LSAMP: variants seen among roughly 807,000 people sequenced by gnomAD.
LSAMP encodes limbic system-associated membrane protein.
Under a neutral mutation model 38.6 loss-of-function variants are expected in LSAMP, and 7 were observed. The observed-to-expected ratio is 0.18, with a 90% CI of 0.10 to 0.34. The LOEUF is 0.34. LSAMP is among the 10% of genes least tolerant of loss of function. LSAMP has a pLI of 1.00. For missense variants in LSAMP, 313 were observed against 420.0 expected, an observed-to-expected ratio of 0.75 and a Z score of 2.23; for synonymous variants, 154 against 166.8, an observed-to-expected ratio of 0.92 and a Z score of 0.59.
chr3:115,965,898 A>C (rs1192419576), intron 3 of LSAMP, among the ~76,000 whole-genome samples: 2 of 152,156 alleles, frequency 1.3e-5, no homozygotes, highest in Admixed American at 1.3e-4. Context: ...AATTATCTTT[A>C]GTTGTATGTA....
chr3:116,389,578 A>C (rs1425811812), intron 1 of LSAMP, among the ~76,000 whole-genome samples: 1 of 152,132 alleles, frequency 6.6e-6, no homozygotes. Context: ...TCATTGCTAA[A>C]TTTGGTCAGA....
chr3:116,280,644 C>T (rs925906786), intron 1 of LSAMP, among the ~76,000 whole-genome samples: 1 of 152,222 alleles, frequency 6.6e-6, no homozygotes, highest in African/African-American at 2.4e-5. Flanking sequence ...AAATAAACAT[C>T]TTCTGAGAAT....
At chr3:116,290,887 T>C (rs1028129784) in intron 1 of LSAMP, among the ~76,000 whole-genome samples, 3 of 152,062 alleles carry the variant, frequency 2.0e-5, no homozygotes, top group Admixed American at 1.3e-4. Context: ...GACAAGCCAA[T>C]GTTCTCTTAA....
intron 1 of LSAMP, among the ~76,000 whole-genome samples, chr3:116,248,787 A>G (rs2046636802): frequency 6.6e-6 from 1 of 152,076 alleles, no homozygotes; most frequent in African/African-American, 2.4e-5. Flanking sequence ...GCATGAGCAC[A>G]CCCATGTCTG....
chr3:115,848,148 C>T (rs1008090005), intron 4 of LSAMP, among the ~76,000 whole-genome samples: 2 of 152,188 alleles, frequency 1.3e-5, no homozygotes, highest in African/African-American at 4.8e-5. Flanking sequence ...GCTAGAGAAG[C>T]TGGCCAGTCT....
chr3:116,359,457 C>T (rs1374829824), intron 1 of LSAMP, among the ~76,000 whole-genome samples: 13 of 152,218 alleles, frequency 8.5e-5, no homozygotes, highest in African/African-American at 2.4e-4. Context: ...ATGTCAGAAG[C>T]GTAGCTGGTT....
intron 1 of LSAMP, among the ~76,000 whole-genome samples, chr3:116,240,445 A>T (rs559846088): frequency 6.6e-6 from 1 of 152,356 alleles, no homozygotes; most frequent in East Asian, 1.9e-4. Flanking sequence ...ATGTTATGTT[A>T]TAAATTTACA....
intron 1 of LSAMP, among the ~76,000 whole-genome samples, chr3:116,316,708 T>C (rs1267771196): frequency 6.8e-6 from 1 of 147,348 alleles, no homozygotes; most frequent in Non-Finnish European, 1.5e-5. Context: ...GAGGCAGAGG[T>C]TGCAGTGAGC....
intron 3 of LSAMP, among the ~76,000 whole-genome samples, chr3:115,994,929 G>A (rs1939773368): frequency 6.6e-6 from 1 of 152,052 alleles, no homozygotes; most frequent in Non-Finnish European, 1.5e-5. Context: ...TTCTGAAAGA[G>A]ATGTGTCAAG....
At chr3:115,961,226 T>G (rs1314297508) in intron 3 of LSAMP, among the ~76,000 whole-genome samples, 1 of 152,216 alleles carries the variant, frequency 6.6e-6, no homozygotes, top group African/African-American at 2.4e-5. Context: ...ATATTGTCAT[T>G]TCTATGCAGA....
At chr3:115,901,099 G>A (rs2107482313) in intron 3 of LSAMP, among the ~76,000 whole-genome samples, 1 of 152,130 alleles carries the variant, frequency 6.6e-6, no homozygotes, top group South Asian at 2.1e-4. Context: ...AAAGCAGTAG[G>A]AGCATGCTTA....
At chr3:116,244,297 A>G (rs1461118) in intron 1 of LSAMP, among the ~76,000 whole-genome samples, 45,611 of 152,054 alleles carry the variant, frequency 0.3, 8,536 homozygotes, top group East Asian at 0.52. Flanking sequence ...CAATGACAAT[A>G]CCACTTCAAT....
At chr3:116,154,582 T>C (rs540342491) in intron 1 of LSAMP, among the ~76,000 whole-genome samples, 1 of 152,288 alleles carries the variant, frequency 6.6e-6, no homozygotes, top group East Asian at 1.9e-4. Flanking sequence ...ACCTAAATTC[T>C]TTAGCCTCAC....
At chr3:116,395,398 A>C (rs1175254702) in intron 1 of LSAMP, among the ~76,000 whole-genome samples, 2 of 152,224 alleles carry the variant, frequency 1.3e-5, no homozygotes, top group Non-Finnish European at 2.9e-5. Context: ...GTATAGCTTG[A>C]ATATGGGAAG....
At chr3:115,828,928 C>T (rs1385830853) in intron 6 of LSAMP, among the ~76,000 whole-genome samples, 3 of 152,096 alleles carry the variant, frequency 2.0e-5, no homozygotes, top group Non-Finnish European at 4.4e-5. Context: ...CTGGTGCAGG[C>T]AGATCCAGAT....
chr3:116,400,447 C>T, intron 1 of LSAMP, among the ~76,000 whole-genome samples: 1 of 144,000 alleles, frequency 6.9e-6, no homozygotes, highest in Non-Finnish European at 1.5e-5. Context: ...TCCTTCCTTC[C>T]TTCCTTCCTT....
At chr3:115,819,135 G>A (rs746150712) in intron 6 of LSAMP, among the ~76,000 whole-genome samples, 6 of 150,894 alleles carry the variant, frequency 4.0e-5, no homozygotes, top group Admixed American at 1.3e-4. Context: ...GGGCAACAGA[G>A]CGAGACTCCA....
chr3:115,831,830 TTTAAAC>T (rs1290065644), intron 6 of LSAMP, among the ~76,000 whole-genome samples: 1 of 152,180 alleles, frequency 6.6e-6, no homozygotes, highest in African/African-American at 2.4e-5. Context: ...ATTTGTATCT[TTTAAAC>T]TAAGGAGGAG....
chr3:116,073,943 A>T (rs1323440373), intron 2 of LSAMP, among the ~76,000 whole-genome samples: 2 of 152,222 alleles, frequency 1.3e-5, no homozygotes, highest in African/African-American at 4.8e-5. Flanking sequence ...TATGCCAAAA[A>T]TCATATAAAA....
Sources: gnomAD v4.1 joint callset for allele counts (sites outside exome capture counted in the v4.1 genomes callset) on GRCh38, gnomAD v4.1.1 for gene constraint, MANE v1.5 for transcripts, NCBI Gene and HGNC (gene_info 2026-07-23, HGNC 2026-07-21) for gene names.